Variants in ZNF544 observed in about 807,000 individuals in gnomAD.
ZNF544 encodes zinc finger protein AF020591.
A neutral mutation model predicts 13.5 loss-of-function variants in ZNF544; 10 were observed. The observed-to-expected ratio is 0.74, with a 90% CI of 0.46 to 1.25. ZNF544 has a LOEUF of 1.25. ZNF544 is among the 50% of genes most tolerant of loss of function. The pLI, the probability that ZNF544 is intolerant of heterozygous loss-of-function variation, is 0.00. For synonymous variants in ZNF544, 323 were observed against 300.5 expected (o/e 1.07, Z -0.77); for missense variants, 896 against 845.6 (o/e 1.06, Z -0.74).
At chr19:58,231,290 C>T (rs2041170180) in intron 3 of ZNF544, among the ~76,000 whole-genome samples, 1 of 152,200 alleles carries the variant, frequency 6.6e-6, no homozygotes, top group South Asian at 2.1e-4. Context: ...CTCCCACCTT[C>T]TCACTCCCCA....
chr19:58,276,014 A>G (rs2051195494), intron 5 of ZNF544, among the ~76,000 whole-genome samples: 1 of 151,918 alleles, frequency 6.6e-6, no homozygotes, highest in African/African-American at 2.4e-5. Context: ...GGCAAAATCC[A>G]GTCTCTACAA....
chr19:58,257,050 T>C (rs1186133616), intron 6 of ZNF544, among the ~76,000 whole-genome samples: 1 of 152,068 alleles, frequency 6.6e-6, no homozygotes, highest in East Asian at 1.9e-4. Flanking sequence ...GCCTCCTGAG[T>C]AGGTGGGACT....
chr19:58,277,133 A>C, intron 6 of ZNF544: 2 of 1,201,068 alleles, frequency 1.7e-6, no homozygotes, highest in Middle Eastern at 3.2e-4. Flanking sequence ...GTCCAAAACC[A>C]TGTCCTCTCA....
chr19:58,251,172 ATTTG>A (rs2046240114), intron 6 of ZNF544: 2 of 346,862 alleles, frequency 5.8e-6, no homozygotes, highest in East Asian at 1.5e-4. Flanking sequence ...AAGTTATTCC[ATTTG>A]TTTAGAAGAA....
chr19:58,266,601 GGA>G (rs1250206663), downstream of ZNF544: 1 of 152,148 alleles, frequency 6.6e-6, no homozygotes, highest in Non-Finnish European at 1.5e-5. Context: ...GGTCAGGCGA[GGA>G]GAGGCTGTGG....
chr19:58,273,037 C>A (rs945842155), intron 5 of ZNF544, among the ~76,000 whole-genome samples: 1 of 150,694 alleles, frequency 6.6e-6, no homozygotes, highest in African/African-American at 2.4e-5. Flanking sequence ...AAAAATTAGC[C>A]GGGTGTGGTG....
At chr19:58,244,634 G>A (rs566949209) in intron 4 of ZNF544, among the ~76,000 whole-genome samples, 45 of 152,098 alleles carry the variant, frequency 3.0e-4, no homozygotes, top group Non-Finnish European at 1.2e-4. Context: ...GGAGTGCAGC[G>A]GCATGATCTT....
chr19:58,270,512 G>A (rs1788237841), intron 5 of ZNF544, among the ~76,000 whole-genome samples: 1 of 152,162 alleles, frequency 6.6e-6, no homozygotes, highest in African/African-American at 2.4e-5. Flanking sequence ...ATGTTGGTCA[G>A]GATGGTCTCC....
intron 5 of ZNF544, among the ~76,000 whole-genome samples, chr19:58,271,526 C>G (rs2050636129): frequency 6.6e-6 from 1 of 152,010 alleles, no homozygotes; most frequent in African/African-American, 2.4e-5. Context: ...TCTTTGACCC[C>G]AGGAGGTTGA....
Position 58,262,644 on chromosome 19 carries a change from A to G in ZNF544, c.2038A>G (p.Arg680Gly), listed in dbSNP as rs1402216691. 4 of 1,614,192 alleles carry G rather than the reference A, an allele frequency of 2.5e-6. No homozygotes were observed. Among genetic ancestry groups the G allele is most frequent in the Non-Finnish European group, 3.4e-6 (4 of 1,180,020 alleles). The change falls in exon 7 of 7, where the codon AGA becomes GGA. Residue 680 changes from arginine to glycine, a missense_variant. By Grantham distance (125) the Arg-to-Gly change is moderately radical. Transcript: ENST00000687789. ...SGSSNLLSHH[R>G]IHSGEKPYEC... ...GAGCTCTAACCTTCTTTCCCATCAC[A>G]GAATTCATTCTGGAGAGAAACCCTA... is the stretch of plus-strand genomic sequence containing the variant.
rs984335581 is a variant in ZNF544 at position 58,273,156 on chromosome 19, G to T, written c.245-3167G>T. On this transcript the variant is annotated intron_variant, in intron 5 of 6. Transcript: ENST00000595981. ...AGATCGCACCATTGTACTCCAGCCT[G>T]GGCAACAAGAGCGAAACTCTGTCTC... Among the ~76,000 whole-genome samples, 4 of 151,574 alleles carry T rather than the reference G, an allele frequency of 2.6e-5. No individual in the cohort carries two copies. The East Asian group carries it at 7.8e-4, about 30-fold the overall frequency.
In ZNF544 at chr19:58,261,012, CAGG is replaced by C. The variant is rs757856970; in HGVS notation, c.409_411del (p.Glu137del). On this transcript the variant is annotated inframe_deletion, in exon 7 of 7. Coordinates refer to ENST00000687789, the MANE Select transcript of ZNF544 (RefSeq NM_014480.4). ...TCAGAGCAACCAGTTAAGGGAACAC[CAGG>C]AGAACTCCTTGAGGTTCATGGTACT... is the stretch of plus-strand genomic sequence containing the variant. The C allele has an allele frequency of 2.7e-5, 44 of 1,614,160 alleles. No individual in the cohort carries two copies. The African/African-American group carries it at 4.9e-4, about 18-fold the overall frequency.
At position 58,239,341 on chromosome 19, in the gene ZNF544, C is replaced by T. The variant is rs116692159; in HGVS notation, c.-59-4624C>T. On this transcript the variant is annotated intron_variant, in intron 3 of 6. Coordinates refer to ENST00000687789, the MANE Select transcript of ZNF544 (RefSeq NM_014480.4). ...AGCTGTCCCCTTCTACACCTCTTCC[C>T]CCCTCCACTCCCACCAAACTCTGGA... Among the ~76,000 whole-genome samples the T allele has an allele frequency of 5.7e-3, 869 of 151,982 alleles. 8 individuals carry two copies. Among genetic ancestry groups the T allele is most frequent in the African/African-American group, 0.02 (838 of 41,442 alleles).
At chr19:58,232,930 G>C (rs1600201859) in intron 3 of ZNF544, among the ~76,000 whole-genome samples, 1 of 118,682 alleles carries the variant, frequency 8.4e-6, no homozygotes, top group East Asian at 2.8e-4. Context: ...CTGGGCGACA[G>C]AGAGAGACTC....
chr19:58,247,993 A>C (rs533514128), intron 6 of ZNF544, among the ~76,000 whole-genome samples: 128 of 151,594 alleles, frequency 8.4e-4, no homozygotes, highest in African/African-American at 2.9e-3. Context: ...AGCTCACTGC[A>C]ACCTCCGCCC....
intron 4 of ZNF544, among the ~76,000 whole-genome samples, chr19:58,244,558 C>T (rs981641277): frequency 3.3e-5 from 5 of 151,856 alleles, no homozygotes; most frequent in Non-Finnish European, 7.4e-5. Flanking sequence ...GCACACATGC[C>T]CTTTAGTGTC....
At chr19:58,232,521 T>A (rs1170950903) in intron 3 of ZNF544, among the ~76,000 whole-genome samples, 1 of 151,790 alleles carries the variant, frequency 6.6e-6, no homozygotes, top group Non-Finnish European at 1.5e-5. Context: ...CAGCTAACTT[T>A]TTGATTTTTT....
intron 4 of ZNF544, 109 bp downstream of exon 4, chr19:58,244,165 T>C: frequency 2.3e-6 from 2 of 872,166 alleles, no homozygotes; most frequent in South Asian, 3.7e-5. Flanking sequence ...TCCGCAGTGC[T>C]GGCCAGTGCT....
rs370002858 is a variant in ZNF544, at chr19:58,261,065, A to C, written c.459A>C (p.Gln153His). 3 of 1,614,096 alleles carry C rather than the reference A, an allele frequency of 1.9e-6. No homozygotes were observed. Among genetic ancestry groups the C allele is most frequent in the Non-Finnish European group, 2.5e-6 (3 of 1,180,050 alleles). Residue 153 changes from glutamine to histidine, a missense_variant, in exon 7 of 7, where the codon CAA becomes CAC. Coordinates refer to ENST00000687789, the MANE Select transcript of ZNF544 (RefSeq NM_014480.4). ...MVLTSERLFA[Q>H]REHCELELGG... ...TCACCTCAGAGAGACTGTTTGCTCA[A>C]AGGGAACATTGTGAGCTTGAACTTG... is the stretch of plus-strand genomic sequence containing the variant.
Sources: gnomAD v4.1 joint callset for allele counts (sites outside exome capture counted in the v4.1 genomes callset) on GRCh38, gnomAD v4.1.1 for gene constraint, MANE v1.5 for transcripts, NCBI Gene and HGNC (gene_info 2026-07-23, HGNC 2026-07-21) for gene names.